KIF26A: variants seen among roughly 807,000 people sequenced by gnomAD.
KIF26A encodes kinesin family member 26A.
A neutral mutation model predicts 126.0 loss-of-function variants in KIF26A; 74 were observed. The observed-to-expected ratio is 0.59, with a 90% CI of 0.49 to 0.71. The LOEUF (loss-of-function observed/expected upper bound fraction) is 0.71, where lower values mean the gene tolerates loss of function less well. Among genes scored for constraint, KIF26A ranks in the 30% least tolerant of loss-of-function variants. KIF26A has a pLI of 0.00. For synonymous variants in KIF26A, 1,445 were observed against 1,232.7 expected (o/e 1.17, Z -3.61); for missense variants, 2,984 against 2,763.3 (o/e 1.08, Z -1.79).
chr14:104,142,930 A>T (rs953832947), intron 2 of KIF26A, among the ~76,000 whole-genome samples: 1 of 152,092 alleles, frequency 6.6e-6, no homozygotes, highest in African/African-American at 2.4e-5. Flanking sequence ...CCTCAAAATG[A>T]CAGTTCCCAT....
chr14:104,177,881 C>A lies in KIF26A; in HGVS notation c.5093C>A (p.Pro1698His), dbSNP rs771305969. The change falls in exon 12 of 15, where the codon CCC becomes CAC. Residue 1698 changes from proline (P) to histidine (H), a missense_variant. Pro to His is a moderately conservative substitution (Grantham distance 77). Transcript: ENST00000423312. ...GCCCGCACCCGCAGCCTCAAGTCCC[C>A]CAAGAAGAGGGCCACAGGTGGGTGC... ...PGARTRSLKS[P>H]KKRATGLQRR... 6.5e-7 allele frequency: 1 copy of A among 1,542,090 alleles called. No individual in the cohort carries two copies. Among genetic ancestry groups the A allele is most frequent in the South Asian group, 1.2e-5 (1 of 82,432 alleles).
rs2038070738 is a variant in KIF26A, at chr14:104,179,093, C to G, written c.5317-143C>G. On this transcript the variant is annotated intron_variant, in intron 13 of 14. Coordinates refer to ENST00000423312, the MANE Select transcript of KIF26A (RefSeq NM_015656.2). ...CGGGCATGGGTGGGCTGCCCCAGGT[C>G]CGCCCCCTGCCCGCCCTTGGAGCCC... 3 of 981,436 alleles carry G rather than the reference C, an allele frequency of 3.1e-6. No individual in the cohort carries two copies. In the African/African-American group the frequency reaches 5.1e-5, roughly 17 times the overall value. 60.8% of individuals were successfully genotyped at this position (981,436 alleles called of 1,614,324 possible).
chr14:104,158,379 G>A (rs2037802989), intron 4 of KIF26A, among the ~76,000 whole-genome samples: 1 of 152,226 alleles, frequency 6.6e-6, no homozygotes, highest in Admixed American at 6.5e-5. Context: ...GGGCAGCTCA[G>A]CTGTGGACAT....
At chr14:104,161,255 T>C (rs903252802) in intron 4 of KIF26A, among the ~76,000 whole-genome samples, 1 of 134,680 alleles carries the variant, frequency 7.4e-6, no homozygotes, top group African/African-American at 2.8e-5. Flanking sequence ...ATGCCTGCCC[T>C]GGTTCCTTGG....
At position 104,152,425 on chromosome 14, in the gene KIF26A, C is replaced by A; in HGVS notation, c.699C>A (p.Val233=). 3 of 1,594,642 alleles carry A rather than the reference C, an allele frequency of 1.9e-6. No individual in the cohort carries two copies. The highest frequency in any genetic ancestry group is 1.7e-6 in the Non-Finnish European group (2 of 1,171,910). The change falls in exon 3 of 15, where the codon GTC becomes GTA. Residue 233 remains valine (V), a synonymous_variant. Transcript: ENST00000423312. The surrounding 1 kb of genome is among the most constrained non-coding windows in gnomAD (Gnocchi z 5.9). ...AQQCLEGMWS[V]SRVNSFLPPA... ...AGTGCCTGGAGGGCATGTGGAGTGTCTCGCGGGTCAACAGCTTCCTCCCGC... is the reference window on the plus strand; with the variant it reads ...AGTGCCTGGAGGGCATGTGGAGTGTATCGCGGGTCAACAGCTTCCTCCCGC...
At chr14:104,139,799 G>A (rs1313396829) in intron 2 of KIF26A, among the ~76,000 whole-genome samples, 1 of 152,226 alleles carries the variant, frequency 6.6e-6, no homozygotes, top group Admixed American at 6.5e-5. Context: ...CAGCCTCAAG[G>A]ATAAGAACTG....
At chr14:104,159,355 G>A (rs1207996695) in intron 4 of KIF26A, among the ~76,000 whole-genome samples, 1 of 152,238 alleles carries the variant, frequency 6.6e-6, no homozygotes, top group Non-Finnish European at 1.5e-5. Flanking sequence ...GTCCTGTTTG[G>A]CAGGAGGATT....
At position 104,173,151 on chromosome 14, in the gene KIF26A, A is replaced by T; in HGVS notation, c.1595A>T (p.Asp532Val). 6.2e-7 allele frequency: 1 copy of T among 1,610,858 alleles called. No homozygotes were observed. Among genetic ancestry groups the T allele is most frequent in the Non-Finnish European group, 8.5e-7 (1 of 1,179,236 alleles). The change falls in exon 8 of 15, where the codon GAC (aspartate) becomes GTC (valine). Residue 532 changes from aspartate (D) to valine (V), a missense_variant. Asp to Val is a radical substitution (Grantham distance 152, BLOSUM62 -3). Transcript: ENST00000423312. ...EVCGRDQSLR[D>V]LLAEVAPGSL... Reference sequence around the variant, plus strand: ...TGCGGGCGCGACCAGAGCCTGCGGGACCTGCTGGCCGAGGTGGCCCCTGGC... The same window carrying T: ...TGCGGGCGCGACCAGAGCCTGCGGGTCCTGCTGGCCGAGGTGGCCCCTGGC...
At chr14:104,145,946 C>G (rs1240201502) in intron 2 of KIF26A, among the ~76,000 whole-genome samples, 1 of 152,244 alleles carries the variant, frequency 6.6e-6, no homozygotes, top group Admixed American at 6.5e-5. Context: ...CCACGCCTGG[C>G]TCTCCATCTT....
Position 104,142,428 on chromosome 14 carries a change from C to T in KIF26A, c.288+3140C>T, listed in dbSNP as rs113045986. 2.8e-3 allele frequency among the ~76,000 whole-genome samples: 432 copies of T among 152,064 alleles called. 2 individuals carry two copies. The highest frequency in any genetic ancestry group is 3.5e-3 in the African/African-American group (146 of 41,492). On this transcript the variant is annotated intron_variant, in intron 2 of 14. Transcript: ENST00000423312. ...AGGACCCCCATGGCCTGGAGCGGCC[C>T]CCTGTGGCCTGGCCTCCTGTGGCCT...
chr14:104,177,268 C>G lies in KIF26A; in HGVS notation c.4480C>G (p.Pro1494Ala). 3.1e-6 allele frequency: 5 copies of G among 1,594,278 alleles called. No individual in the cohort carries two copies. Among genetic ancestry groups the G allele is most frequent in the Non-Finnish European group, 4.3e-6 (5 of 1,173,760 alleles). Residue 1494 changes from proline to alanine, a missense_variant, in exon 12 of 15, where the codon CCT (proline) becomes GCT (alanine). Pro to Ala is a conservative substitution (Grantham distance 27). Coordinates refer to ENST00000423312, the MANE Select transcript of KIF26A (RefSeq NM_015656.2). ...AAKAVGAPKP[P>A]VGGGKGRGLV... ...CAAGGCTGTGGGGGCCCCCAAGCCCCCTGTTGGTGGAGGCAAGGGCCGTGG... is the reference window on the plus strand; with the variant it reads ...CAAGGCTGTGGGGGCCCCCAAGCCCGCTGTTGGTGGAGGCAAGGGCCGTGG...
At chr14:104,164,820 T>C (rs1386221595) in intron 4 of KIF26A, among the ~76,000 whole-genome samples, 1 of 151,860 alleles carries the variant, frequency 6.6e-6, no homozygotes, top group Non-Finnish European at 1.5e-5. Context: ...TGTATCCTTG[T>C]CTCTGTGTGA....
Position 104,152,270 on chromosome 14 carries a change from A to T in KIF26A, c.544A>T (p.Arg182Trp), listed in dbSNP as rs1303339462. The T allele has an allele frequency of 3.8e-6, 6 of 1,592,118 alleles. No individual in the cohort carries two copies. The highest frequency in any genetic ancestry group is 5.1e-6 in the Non-Finnish European group (6 of 1,171,648). ...DTPGPAGPAG[R>W]QPGRAGPDRT... is the part of the protein sequence containing the mutation. ...GCCAGGACCAGCGGGTCCTGCAGGG[A>T]GGCAGCCAGGACGAGCTGGGCCAGA... Residue 182 changes from arginine to tryptophan, a missense_variant, in exon 3 of 15, where the codon AGG becomes TGG. Transcript: ENST00000423312. The surrounding 1 kb of genome is among the most constrained non-coding windows in gnomAD (Gnocchi z 5.9).
rs2038051718 is a variant in KIF26A at position 104,177,816 on chromosome 14, C to T, written c.5028C>T (p.Ala1676=). The T allele has an allele frequency of 6.4e-7, 1 of 1,569,896 alleles. No homozygotes were observed. Among genetic ancestry groups the T allele is most frequent in the Non-Finnish European group, 8.6e-7 (1 of 1,166,298 alleles). ...DSEATGSASS[A]PDSMSESGAA... Reference sequence around the variant, plus strand: ...AGGCCACCGGCAGCGCCTCCTCCGCCCCTGACTCCATGAGCGAGAGTGGGG... The same window carrying T: ...AGGCCACCGGCAGCGCCTCCTCCGCTCCTGACTCCATGAGCGAGAGTGGGG... The change falls in exon 12 of 15, where the codon GCC becomes GCT. Residue 1676 remains alanine (A), a synonymous_variant. Transcript: ENST00000423312.
rs2038020770 is a variant in KIF26A at position 104,176,045 on chromosome 14, A to G, written c.3257A>G (p.Tyr1086Cys). 2 of 1,595,802 alleles carry G rather than the reference A, an allele frequency of 1.3e-6. No homozygotes were observed. The highest frequency in any genetic ancestry group is 2.2e-5 in the East Asian group (1 of 44,460). ...ISSINDEFDAYTSQAPEGGPL... is the reference protein window; with the variant it reads ...ISSINDEFDACTSQAPEGGPL... ...AGCATCAATGATGAGTTTGACGCCT[A>G]CACCTCTCAGGCCCCTGAGGGGGGG... Residue 1086 changes from tyrosine (Y) to cysteine (C), a missense_variant, in exon 12 of 15, where the codon TAC becomes TGC. Tyr to Cys is a radical substitution (Grantham distance 194). Coordinates refer to ENST00000423312, the MANE Select transcript of KIF26A (RefSeq NM_015656.2).
chr14:104,163,784 C>A lies in KIF26A; in HGVS notation c.924-3075C>A, dbSNP rs570129323. 8.6e-5 allele frequency among the ~76,000 whole-genome samples: 13 copies of A among 151,788 alleles called. No homozygotes were observed. In the East Asian group the frequency reaches 2.6e-3, roughly 30 times the overall value. ...GGGCCCAGGCCCGTGTGCCTGAGAC[C>A]CCTGGACCTCACCCGGCATCGCCAG... On this transcript the variant is annotated intron_variant, in intron 4 of 14. Transcript: ENST00000423312.
chr14:104,150,754 C>G (rs2037721879), intron 2 of KIF26A, among the ~76,000 whole-genome samples: 2 of 152,210 alleles, frequency 1.3e-5, no homozygotes, highest in African/African-American at 4.8e-5. Flanking sequence ...ACATGGCCAG[C>G]CATCGAGCCA....
intron 3 of KIF26A, among the ~76,000 whole-genome samples, chr14:104,156,133 C>T (rs762980874): frequency 1.3e-5 from 2 of 152,232 alleles, no homozygotes; most frequent in African/African-American, 4.8e-5. Flanking sequence ...CAGGGGTGCT[C>T]AACCAGACCC....
At chr14:104,179,530 G>A (rs1302658328) in intron 14 of KIF26A, 79 bp from the exon 15 acceptor site, 1 of 1,436,376 alleles carries the variant, frequency 7.0e-7, no homozygotes, top group African/African-American at 1.4e-5. Context: ...TGCCTTTCCT[G>A]GGGCCTCTGG....
Sources: gnomAD v4.1 joint callset for allele counts (sites outside exome capture counted in the v4.1 genomes callset) on GRCh38, gnomAD v4.1.1 for gene constraint, Gnocchi (gnomAD v3.1) non-coding constraint, MANE v1.5 for transcripts, NCBI Gene and HGNC (gene_info 2026-07-23, HGNC 2026-07-21) for gene names.